TRPS1: variants seen among roughly 807,000 people sequenced by gnomAD.
TRPS1 encodes the protein zinc finger transcription factor Trps1.
TRPS1 carries 6 observed loss-of-function variants against 101.2 expected under a neutral mutation model. That is an observed-to-expected ratio of 0.06 (90% CI 0.03 to 0.12). The LOEUF is 0.12. TRPS1 is among the 10% of genes least tolerant of loss of function. The pLI is 1.00. For missense variants in TRPS1, 1,363 were observed against 1,567.0 expected (o/e 0.87, Z 2.20); for synonymous variants, 578 against 589.8 (o/e 0.98, Z 0.29).
chr8:115,489,888 A>G (rs570035632), intron 5 of TRPS1, among the ~76,000 whole-genome samples: 6 of 152,234 alleles, frequency 3.9e-5, no homozygotes, highest in Admixed American at 3.9e-4. Flanking sequence ...AATCCATCTT[A>G]AACTTAATAC....
Position 115,417,558 on chromosome 8 carries a change from T to TA in TRPS1, c.2823+771dup, listed in dbSNP as rs780193395. On this transcript the variant is annotated intron_variant, in intron 6 of 6. Coordinates refer to ENST00000395715, the MANE Select transcript of TRPS1 (RefSeq NM_014112.5). ...TTGTCAGCAGATGAACTTGCTAAAC[T>TA]AAAAAAAAAAATCCTTCAGTAAGTC... is the stretch of plus-strand genomic sequence containing the variant. 5.6e-3 allele frequency among the ~76,000 whole-genome samples: 830 copies of TA among 147,366 alleles called. 8 individuals carry two copies. Among genetic ancestry groups the TA allele is most frequent in the African/African-American group, 0.019 (751 of 40,486 alleles).
chr8:115,651,092 C>T (rs568619329), intron 1 of TRPS1, among the ~76,000 whole-genome samples: 1 of 152,214 alleles, frequency 6.6e-6, no homozygotes, highest in Non-Finnish European at 1.5e-5. Context: ...TAGAGCCTAA[C>T]ACTGTTATCC....
chr8:115,606,660 A>G (rs968571255), intron 3 of TRPS1, among the ~76,000 whole-genome samples: 1 of 152,120 alleles, frequency 6.6e-6, no homozygotes, highest in East Asian at 1.9e-4. Context: ...TACAGCACAG[A>G]ACACTCTAAT....
At chr8:115,601,879 T>C (rs1006867628) in intron 4 of TRPS1, among the ~76,000 whole-genome samples, 3 of 152,224 alleles carry the variant, frequency 2.0e-5, no homozygotes, top group African/African-American at 7.2e-5. Flanking sequence ...TGCCACTGTG[T>C]TAAATCGTGC....
At chr8:115,460,641 T>C (rs1047337011) in intron 5 of TRPS1, among the ~76,000 whole-genome samples, 8 of 152,090 alleles carry the variant, frequency 5.3e-5, no homozygotes, top group Middle Eastern at 3.4e-3. Context: ...TGACATGATC[T>C]AGAAACTTAA....
At chr8:115,492,169 G>C in intron 5 of TRPS1, 1 of 456,138 alleles carries the variant, frequency 2.2e-6, no homozygotes, top group South Asian at 1.5e-5. Flanking sequence ...AAAGAGTATG[G>C]GTCTTAGAAA....
At chr8:115,598,392 C>T (rs1452370460) in intron 4 of TRPS1, among the ~76,000 whole-genome samples, 1 of 152,138 alleles carries the variant, frequency 6.6e-6, no homozygotes, top group Non-Finnish European at 1.5e-5. Flanking sequence ...ACTGCAGCCT[C>T]GACCTCCTGG....
chr8:115,653,649 TAAAG>T (rs1449156373), intron 1 of TRPS1, among the ~76,000 whole-genome samples: 1 of 150,766 alleles, frequency 6.6e-6, no homozygotes, highest in Non-Finnish European at 1.5e-5. Context: ...AAAGAAACAT[TAAAG>T]AAACAAAACA....
At chr8:115,577,940 G>A (rs1460723014) in intron 5 of TRPS1, among the ~76,000 whole-genome samples, 1 of 152,062 alleles carries the variant, frequency 6.6e-6, no homozygotes, top group Non-Finnish European at 1.5e-5. Flanking sequence ...CATCATCCAT[G>A]GAGGCAAAGC....
chr8:115,522,397 T>C (rs1198107400), intron 5 of TRPS1, among the ~76,000 whole-genome samples: 1 of 151,952 alleles, frequency 6.6e-6, no homozygotes, highest in Non-Finnish European at 1.5e-5. Context: ...ATACAAGCAA[T>C]GGGGGAGAAA....
intron 5 of TRPS1, among the ~76,000 whole-genome samples, chr8:115,509,978 T>C (rs1391560067): frequency 6.6e-6 from 1 of 152,020 alleles, no homozygotes; most frequent in Non-Finnish European, 1.5e-5. Context: ...CATGAAACAT[T>C]TTTCTCATTT....
chr8:115,561,422 A>T (rs754561250), intron 5 of TRPS1, among the ~76,000 whole-genome samples: 1 of 152,016 alleles, frequency 6.6e-6, no homozygotes, highest in Non-Finnish European at 1.5e-5. Context: ...ACACTAGCTG[A>T]ATCAGATGAA....
intron 5 of TRPS1, among the ~76,000 whole-genome samples, chr8:115,498,293 G>A (rs966459811): frequency 1.3e-5 from 2 of 150,900 alleles, no homozygotes; most frequent in Non-Finnish European, 3.0e-5. Context: ...TGGGAGCATC[G>A]CCTGAGCCTC....
chr8:115,516,976 C>A (rs746815754), intron 5 of TRPS1, among the ~76,000 whole-genome samples: 28 of 150,714 alleles, frequency 1.9e-4, no homozygotes, highest in Non-Finnish European at 3.9e-4. Context: ...CTTATTTTTG[C>A]AAGGAGTGGT....
rs1230723200 is a variant in TRPS1 at position 115,632,981 on chromosome 8, A to G, written c.-121-9223T>C. ...TCTGTGCACTTTTCAGCTAAAGTTT[A>G]AGAGTGTGTGTGCGATTTTTCAGTG... On this transcript the variant is annotated intron_variant, in intron 1 of 6. Coordinates refer to ENST00000395715, the MANE Select transcript of TRPS1 (RefSeq NM_014112.5). Among the ~76,000 whole-genome samples, 3 of 152,150 alleles carry G rather than the reference A, an allele frequency of 2.0e-5. No homozygotes were observed. In the East Asian group the frequency reaches 5.8e-4, roughly 29 times the overall value.
At chr8:115,600,899 T>C (rs1375390789) in intron 4 of TRPS1, among the ~76,000 whole-genome samples, 1 of 152,112 alleles carries the variant, frequency 6.6e-6, no homozygotes, top group African/African-American at 2.4e-5. Flanking sequence ...GGGTGGAATA[T>C]AATAACCCAG....
chr8:115,492,920 G>C (rs533648233), intron 5 of TRPS1, among the ~76,000 whole-genome samples: 4 of 152,136 alleles, frequency 2.6e-5, no homozygotes, highest in African/African-American at 7.2e-5. Context: ...TCACCATCTT[G>C]GCCAGGCTGG....
chr8:115,530,415 A>G (rs1376557923), intron 5 of TRPS1, among the ~76,000 whole-genome samples: 1 of 152,164 alleles, frequency 6.6e-6, no homozygotes, highest in Non-Finnish European at 1.5e-5. Context: ...GATCTGGTAT[A>G]GAAAGAGCAC....
At position 115,491,472 on chromosome 8, in the gene TRPS1, A is replaced by G. The variant is rs537151004; in HGVS notation, c.2701-73020T>C. ...TGAGAGTCTTCCCATCAGTGCTACC[A>G]GAAGGAATCATGGTAAACTTAGTGG... On this transcript the variant is annotated intron_variant, in intron 5 of 6. Coordinates refer to ENST00000395715, the MANE Select transcript of TRPS1 (RefSeq NM_014112.5). Among the ~76,000 whole-genome samples the G allele has an allele frequency of 4.6e-5, 7 of 152,294 alleles. No homozygotes were observed. In the South Asian group the frequency reaches 1.2e-3, roughly 27 times the overall value.
Sources: allele counts gnomAD v4.1 joint callset (sites outside exome capture counted in the v4.1 genomes callset), GRCh38; gene constraint gnomAD v4.1.1; transcripts MANE v1.5; gene names NCBI Gene and HGNC (gene_info 2026-07-23, HGNC 2026-07-21).